Variants in TULP4 observed in about 807,000 individuals in gnomAD.
TULP4 encodes the protein tubby-related protein 4.
A neutral mutation model predicts 129.0 loss-of-function variants in TULP4; 16 were observed. The ratio of observed to expected loss-of-function variants is 0.12; its 90% CI spans 0.08 to 0.19. TULP4 has a LOEUF of 0.19. Among genes scored for constraint, TULP4 ranks in the 10% least tolerant of loss-of-function variants. TULP4 has a pLI of 1.00. For missense variants in TULP4, 1,842 were observed against 2,059.1 expected (o/e 0.89, Z 2.04); for synonymous variants, 998 against 854.0 (o/e 1.17, Z -2.94).
At chr6:158,406,793 A>G (rs1055802920) in intron 1 of TULP4, among the ~76,000 whole-genome samples, 3 of 152,176 alleles carry the variant, frequency 2.0e-5, no homozygotes, top group Non-Finnish European at 4.4e-5. Context: ...TATAAACTCT[A>G]TCCAATAAGA....
At chr6:158,476,866 T>G (rs1779832007) in intron 6 of TULP4, among the ~76,000 whole-genome samples, 1 of 152,106 alleles carries the variant, frequency 6.6e-6, no homozygotes. Context: ...CTTCAGAGAG[T>G]CAGCACCATG....
chr6:158,324,193 G>A (rs1004235643), intron 1 of TULP4, among the ~76,000 whole-genome samples: 2 of 152,234 alleles, frequency 1.3e-5, no homozygotes, highest in Admixed American at 1.3e-4. Flanking sequence ...TGAGAGAAAG[G>A]ATCTGCATAG....
At chr6:158,504,668 T>G (rs910547006) in intron 13 of TULP4, among the ~76,000 whole-genome samples, 2 of 152,060 alleles carry the variant, frequency 1.3e-5, no homozygotes, top group Non-Finnish European at 2.9e-5. Flanking sequence ...AATTTTTTTT[T>G]TTTTAGAAAT....
At chr6:158,276,035 C>T (rs1005816806) in intron 1 of TULP4, among the ~76,000 whole-genome samples, 2 of 152,050 alleles carry the variant, frequency 1.3e-5, no homozygotes, top group African/African-American at 4.8e-5. Context: ...AGTGGTGCAA[C>T]CTCAACTCAC....
At chr6:158,290,263 C>T (rs1778911202) in intron 1 of TULP4, among the ~76,000 whole-genome samples, 1 of 152,184 alleles carries the variant, frequency 6.6e-6, no homozygotes, top group African/African-American at 2.4e-5. Flanking sequence ...TTTTGATTTG[C>T]ATTTCCCTGA....
chr6:158,240,261 A>T (rs1583665908), intron 1 of TULP4, among the ~76,000 whole-genome samples: 2 of 64,104 alleles, frequency 3.1e-5, no homozygotes, highest in African/African-American at 5.4e-5. Flanking sequence ...CTGGCCGGGC[A>T]GAGGGGCTCC....
chr6:158,495,637 G>A (rs1780320195), intron 11 of TULP4, among the ~76,000 whole-genome samples: 1 of 152,184 alleles, frequency 6.6e-6, no homozygotes, highest in Non-Finnish European at 1.5e-5. Context: ...GAGTTTGGGA[G>A]TTTGAGACCA....
At chr6:158,459,929 T>C (rs796662735) in intron 5 of TULP4, among the ~76,000 whole-genome samples, 7 of 152,316 alleles carry the variant, frequency 4.6e-5, no homozygotes, top group African/African-American at 1.7e-4. Flanking sequence ...CCAGAGCACA[T>C]TTAGTATGTG....
At chr6:158,428,360 A>C (rs143083900) in intron 2 of TULP4, 1 of 152,184 alleles carries the variant, frequency 6.6e-6, no homozygotes, top group Admixed American at 6.5e-5. Context: ...TACCAAAACA[A>C]AATCACGGGT....
Position 158,461,544 on chromosome 6 carries a change from C to A in TULP4, c.860-19C>A. ...AGGAGGGCTGTGTCCTTGTGCTGAC[C>A]CTCTCTCCTCTGTTTCAGAGGTGGT... is the stretch of plus-strand genomic sequence containing the variant. On this transcript the variant is annotated intron_variant, in intron 5 of 13. Coordinates refer to ENST00000367097, the MANE Select transcript of TULP4 (RefSeq NM_020245.5). 2 of 1,609,194 alleles carry A rather than the reference C, an allele frequency of 1.2e-6. No homozygotes were observed. The highest frequency in any genetic ancestry group is 1.7e-6 in the Non-Finnish European group (2 of 1,177,918).
chr6:158,367,019 A>G (rs1436181344), intron 1 of TULP4, among the ~76,000 whole-genome samples: 1 of 151,708 alleles, frequency 6.6e-6, no homozygotes, highest in Admixed American at 6.6e-5. Context: ...TTGCCTTCCC[A>G]ATTCTTATTT....
At position 158,461,567 on chromosome 6, in the gene TULP4, G is replaced by A. The variant is rs772739581; in HGVS notation, c.864G>A (p.Val288=). ...ACCCTCTCTCCTCTGTTTCAGAGGT[G>A]GTAGCCCAGTGGTGCACACAGGGGG... The part of the protein sequence containing the change: ...PTVIRSGLKE[V]VAQWCTQGDL... Residue 288 remains valine (V), a synonymous_variant, in exon 6 of 14, where the codon GTG becomes GTA. Coordinates refer to ENST00000367097, the MANE Select transcript of TULP4 (RefSeq NM_020245.5). The A allele has an allele frequency of 1.9e-6, 3 of 1,613,078 alleles. No individual in the cohort carries two copies. The highest frequency in any genetic ancestry group is 1.7e-5 in the Admixed American group (1 of 59,994).
At chr6:158,262,390 G>C (rs142129913) in intron 1 of TULP4, among the ~76,000 whole-genome samples, 1,809 of 152,230 alleles carry the variant, frequency 0.012, 44 homozygotes, top group Admixed American at 0.057. Context: ...GGTGCTGAGT[G>C]CTCCCTGGGA....
intron 1 of TULP4, among the ~76,000 whole-genome samples, chr6:158,266,050 A>C (rs974536692): frequency 1.3e-5 from 2 of 152,142 alleles, no homozygotes; most frequent in Non-Finnish European, 1.5e-5. Flanking sequence ...AAAGGGGGAA[A>C]ATCACCCCTA....
chr6:158,475,596 C>T (rs1024091098), intron 6 of TULP4, among the ~76,000 whole-genome samples: 7 of 152,152 alleles, frequency 4.6e-5, no homozygotes, highest in African/African-American at 1.7e-4. Flanking sequence ...TGTTCTGCTG[C>T]GGCTCAGCCT....
At chr6:158,240,477 C>T (rs1777863278) in intron 1 of TULP4, among the ~76,000 whole-genome samples, 1 of 86,282 alleles carries the variant, frequency 1.2e-5, no homozygotes, top group African/African-American at 3.8e-5. Context: ...GAAGGCTGAC[C>T]CCCCCACCTC....
chr6:158,254,796 G>C (rs1413685694), intron 1 of TULP4, among the ~76,000 whole-genome samples: 1 of 152,252 alleles, frequency 6.6e-6, no homozygotes, highest in Non-Finnish European at 1.5e-5. Context: ...TTCCGGCCAG[G>C]TGCCGTGGCT....
At chr6:158,457,579 G>C (rs920904422) in intron 5 of TULP4, among the ~76,000 whole-genome samples, 1 of 152,100 alleles carries the variant, frequency 6.6e-6, no homozygotes, top group South Asian at 2.1e-4. Flanking sequence ...CTCTTTTCCT[G>C]AGTAGAAATA....
intron 6 of TULP4, among the ~76,000 whole-genome samples, chr6:158,471,757 G>A (rs1779687471): frequency 6.6e-6 from 1 of 152,198 alleles, no homozygotes; most frequent in Admixed American, 6.5e-5. Context: ...CCCACTGCCA[G>A]TTCATTGCCT....
Sources: gnomAD v4.1 joint callset for allele counts (sites outside exome capture counted in the v4.1 genomes callset) on GRCh38, gnomAD v4.1.1 for gene constraint, MANE v1.5 for transcripts, NCBI Gene and HGNC (gene_info 2026-07-23, HGNC 2026-07-21) for gene names.